Variants in GRPEL2 observed in about 807,000 individuals in gnomAD.
The protein encoded by GRPEL2 is grpE protein homolog 2, mitochondrial.
Under a neutral mutation model 25.9 loss-of-function variants are expected in GRPEL2, and 18 were observed. That is an observed-to-expected ratio of 0.70 (90% CI 0.48 to 1.03). The LOEUF is 1.03. GRPEL2 is among the 50% of genes least tolerant of loss of function. GRPEL2 has a pLI of 0.00. For missense variants in GRPEL2, 247 were observed against 276.2 expected (o/e 0.89, Z 0.75); for synonymous variants, 106 against 107.9 (o/e 0.98, Z 0.11).
chr5:149,346,664 C>G (rs1757694046), intron 1 of GRPEL2, among the ~76,000 whole-genome samples: 1 of 149,458 alleles, frequency 6.7e-6, no homozygotes, highest in Non-Finnish European at 1.5e-5. Flanking sequence ...CTCCCCAACC[C>G]TATTTCTTGG....
rs1357827707 is a variant in GRPEL2 at position 149,354,232 on chromosome 5, T to A, written c.*2950T>A. On this transcript the variant is annotated 3_prime_UTR_variant, in exon 4 of 4. Coordinates refer to ENST00000329271, the MANE Select transcript of GRPEL2 (RefSeq NM_152407.4). The stretch of plus-strand genomic sequence containing the variant: ...AGCAAGAAAATTGTGTCAGTGCTCT[T>A]AGTTATTTTCATCTTAATGGTATAG... 6.6e-6 allele frequency: 1 copy of A among 152,208 alleles called. No individual in the cohort carries two copies. Among genetic ancestry groups the A allele is most frequent in the Non-Finnish European group, 1.5e-5 (1 of 68,044 alleles). The allele number at this position is 152,208 out of a possible 1,614,324, so 9.4% of individuals were successfully genotyped here.
In GRPEL2 at chr5:149,351,016, C is replaced by G; in HGVS notation, c.412C>G (p.Leu138Val). 6.2e-7 allele frequency: 1 copy of G among 1,614,218 alleles called. No individual in the cohort carries two copies. The highest frequency in any genetic ancestry group is 8.5e-7 in the Non-Finnish European group (1 of 1,180,042). The change falls in exon 4 of 4, where the codon CTC (leucine) becomes GTC (valine). Residue 138 changes from leucine to valine, a missense_variant. Leu to Val is a conservative substitution (Grantham distance 32). Transcript: ENST00000329271. ...AGAATCGGAGCCTGAGGACCAAAAG[C>G]TCACTCTGGAGAAGGTCTTCCGAGG... ...SEESEPEDQK[L>V]TLEKVFRGLL...
At chr5:149,350,316 CTT>C (rs1292647314) in intron 3 of GRPEL2, among the ~76,000 whole-genome samples, 1 of 152,288 alleles carries the variant, frequency 6.6e-6, no homozygotes, top group Admixed American at 6.5e-5. Context: ...TCGTATGACT[CTT>C]TTAAAAAATC....
chr5:149,346,316 C>A (rs1213344741), intron 1 of GRPEL2, among the ~76,000 whole-genome samples: 4 of 152,134 alleles, frequency 2.6e-5, no homozygotes, highest in African/African-American at 4.8e-5. Flanking sequence ...GACTGTTGCC[C>A]CTACACTGTT....
rs374460558 is a variant in GRPEL2 at position 149,353,787 on chromosome 5, G to A, written c.*2505G>A. On this transcript the variant is annotated 3_prime_UTR_variant, in exon 4 of 4. Transcript: ENST00000329271. ...AGAATTAGAAGATGAAGCTATAGTA[G>A]TAAGAATCTCAAGCTGAAGGGCTTT... 6.6e-6 allele frequency: 1 copy of A among 152,198 alleles called. No homozygotes were observed. The highest frequency in any genetic ancestry group is 2.4e-5 in the African/African-American group (1 of 41,454). The allele number at this position is 152,198 out of a possible 1,614,324, so 9.4% of individuals were successfully genotyped here.
At position 149,351,015 on chromosome 5, in the gene GRPEL2, G is replaced by T. The variant is rs368343972; in HGVS notation, c.411G>T (p.Lys137Asn). 8 of 1,614,100 alleles carry T rather than the reference G, an allele frequency of 5.0e-6. No homozygotes were observed. The African/African-American group carries it at 9.3e-5, about 19-fold the overall frequency. Reference sequence around the variant, plus strand: ...AAGAATCGGAGCCTGAGGACCAAAAGCTCACTCTGGAGAAGGTCTTCCGAG... The same window carrying T: ...AAGAATCGGAGCCTGAGGACCAAAATCTCACTCTGGAGAAGGTCTTCCGAG... ...ISEESEPEDQ[K>N]LTLEKVFRGL... The change falls in exon 4 of 4, where the codon AAG (lysine) becomes AAT (asparagine). Residue 137 changes from lysine to asparagine, a missense_variant. Coordinates refer to ENST00000329271, the MANE Select transcript of GRPEL2 (RefSeq NM_152407.4).
intron 3 of GRPEL2, 195 bp downstream of exon 3, chr5:149,349,930 G>C (rs1757750085): frequency 1.7e-6 from 1 of 574,642 alleles, no homozygotes; most frequent in African/African-American, 1.9e-5. Context: ...TGTAATCCCA[G>C]CTACTCTGGA....
intron 3 of GRPEL2, among the ~76,000 whole-genome samples, chr5:149,350,595 G>A (rs1757759374): frequency 6.6e-6 from 1 of 152,204 alleles, no homozygotes; most frequent in Admixed American, 6.5e-5. Flanking sequence ...CAAGCAAATA[G>A]CAACAAAAAT....
intron 1 of GRPEL2, among the ~76,000 whole-genome samples, chr5:149,347,421 TAC>T (rs1336854043): frequency 6.6e-6 from 1 of 152,176 alleles, no homozygotes; most frequent in Non-Finnish European, 1.5e-5. Flanking sequence ...TAATTTTACT[TAC>T]AGTCAAATTA....
At position 149,351,362 on chromosome 5, in the gene GRPEL2, T is replaced by C. The variant is rs2127610218; in HGVS notation, c.*80T>C. On this transcript the variant is annotated 3_prime_UTR_variant, in exon 4 of 4. Coordinates refer to ENST00000329271, the MANE Select transcript of GRPEL2 (RefSeq NM_152407.4). ...TATTTATTAAACTAGGTTTGTATTG[T>C]ACATGAGGTACTTCATGTGATATGT... The C allele has an allele frequency of 1.5e-6, 2 of 1,365,534 alleles. No homozygotes were observed. The highest frequency in any genetic ancestry group is 2.0e-6 in the Non-Finnish European group (2 of 1,006,716). The allele number at this position is 1,365,534 out of a possible 1,614,324, so 84.6% of individuals were successfully genotyped here.
chr5:149,345,564 G>A lies in GRPEL2; in HGVS notation c.25G>A (p.Gly9Ser). 6.2e-7 allele frequency: 1 copy of A among 1,612,048 alleles called. No homozygotes were observed. The highest frequency in any genetic ancestry group is 1.3e-5 in the African/African-American group (1 of 75,056). Reference protein sequence around the residue: MAVRSLWAGRLRVQRLLAW... With the variant: MAVRSLWASRLRVQRLLAW... ...CATGGCCGTACGGTCGCTGTGGGCGGGCCGGCTGCGGGTGCAGCGCCTACT... is the reference window on the plus strand; with the variant it reads ...CATGGCCGTACGGTCGCTGTGGGCGAGCCGGCTGCGGGTGCAGCGCCTACT... The change falls in exon 1 of 4, where the codon GGC becomes AGC. Residue 9 changes from glycine (G) to serine (S), a missense_variant. Coordinates refer to ENST00000329271, the MANE Select transcript of GRPEL2 (RefSeq NM_152407.4).
intron 1 of GRPEL2, chr5:149,348,041 A>C (rs888746455): frequency 4.9e-6 from 2 of 409,192 alleles, no homozygotes; most frequent in African/African-American, 4.1e-5. Flanking sequence ...CATCTGTAAA[A>C]TAGGGATAAT....
At chr5:149,348,520 T>A in intron 2 of GRPEL2, 95 bp downstream of exon 2, 1 of 1,056,576 alleles carries the variant, frequency 9.5e-7, no homozygotes, top group Non-Finnish European at 1.3e-6. Context: ...AAGTTTTCTT[T>A]AATTGGCTCT....
intron 1 of GRPEL2, 76 bp from the exon 2 acceptor site, chr5:149,348,196 C>G: frequency 7.6e-7 from 1 of 1,322,614 alleles, no homozygotes; most frequent in Non-Finnish European, 1.0e-6. Context: ...GGGAAGATCT[C>G]TGGTCTCTAA....
At position 149,351,038 on chromosome 5, in the gene GRPEL2, G is replaced by A. The variant is rs367715044; in HGVS notation, c.434G>A (p.Arg145Gln). Residue 145 changes from arginine to glutamine, a missense_variant, in exon 4 of 4, where the codon CGA becomes CAA. Coordinates refer to ENST00000329271, the MANE Select transcript of GRPEL2 (RefSeq NM_152407.4). Reference sequence around the variant, plus strand: ...AAGCTCACTCTGGAGAAGGTCTTCCGAGGGTTGTTGCTTTTAGAAGCAAAG... The same window carrying A: ...AAGCTCACTCTGGAGAAGGTCTTCCAAGGGTTGTTGCTTTTAGAAGCAAAG... ...DQKLTLEKVFRGLLLLEAKLK... is the reference protein window; with the variant it reads ...DQKLTLEKVFQGLLLLEAKLK... The A allele has an allele frequency of 7.7e-5, 124 of 1,614,128 alleles. No homozygotes were observed. The highest frequency in any genetic ancestry group is 9.1e-5 in the Non-Finnish European group (107 of 1,180,046).
intron 1 of GRPEL2, among the ~76,000 whole-genome samples, chr5:149,346,980 C>T (rs1289528037): frequency 2.0e-5 from 3 of 152,146 alleles, no homozygotes; most frequent in Non-Finnish European, 2.9e-5. Flanking sequence ...ACGCCTCGGC[C>T]TCCCAAAGTG....
chr5:149,350,887 C>A, intron 3 of GRPEL2, 31 bp from the exon 4 acceptor site: 1 of 1,605,202 alleles, frequency 6.2e-7, no homozygotes, highest in Non-Finnish European at 8.5e-7. Context: ...GATTTCCTCA[C>A]AAACAATAAA....
chr5:149,350,269 T>A (rs1757755491), intron 3 of GRPEL2, among the ~76,000 whole-genome samples: 1 of 152,214 alleles, frequency 6.6e-6, no homozygotes, highest in Admixed American at 6.5e-5. Context: ...GTAATGGGAT[T>A]TCTCAACAAC....
At position 149,352,412 on chromosome 5, in the gene GRPEL2, G is replaced by A. The variant is rs566710798; in HGVS notation, c.*1130G>A. The A allele has an allele frequency of 9.9e-5, 15 of 150,984 alleles. No individual in the cohort carries two copies. Among genetic ancestry groups the A allele is most frequent in the African/African-American group, 3.2e-4 (13 of 41,086 alleles). The allele number at this position is 150,984 out of a possible 1,614,324, so 9.4% of individuals were successfully genotyped here. A position where few individuals can be genotyped will look rare whatever the true frequency, so the allele number is the denominator to read the frequency against. ...CTGCCAAGTAGCTAGGACTACAGGC[G>A]TTCACCACTGCGCCCGCAAAGTTTT... On this transcript the variant is annotated 3_prime_UTR_variant, in exon 4 of 4. Transcript: ENST00000329271.
Sources: allele counts gnomAD v4.1 joint callset (sites outside exome capture counted in the v4.1 genomes callset), GRCh38; gene constraint gnomAD v4.1.1; transcripts MANE v1.5; gene names NCBI Gene and HGNC (gene_info 2026-07-23, HGNC 2026-07-21).